Variants in CNNM2 observed in about 807,000 individuals in gnomAD.
The protein encoded by CNNM2 is metal transporter CNNM2.
A neutral mutation model predicts 66.9 loss-of-function variants in CNNM2; 12 were observed. The ratio of observed to expected loss-of-function variants is 0.18; its 90% CI spans 0.11 to 0.29. The LOEUF (loss-of-function observed/expected upper bound fraction) is 0.29. CNNM2 is among the 10% of genes least tolerant of loss of function. CNNM2 has a pLI of 1.00. For synonymous variants in CNNM2, 557 were observed against 501.8 expected, an observed-to-expected ratio of 1.11 and a Z score of -1.47; for missense variants, 705 against 1,167.7, an observed-to-expected ratio of 0.60 and a Z score of 5.77.
In CNNM2 at chr10:103,089,495, C is replaced by T. The variant is rs947840238; in HGVS notation, c.*12315C>T. 5 of 1,175,478 alleles carry T rather than the reference C, an allele frequency of 4.3e-6. No homozygotes were observed. The highest frequency in any genetic ancestry group is 5.7e-6 in the Non-Finnish European group (5 of 872,254). 72.8% of individuals were successfully genotyped at this position (1,175,478 alleles called of 1,614,324 possible). Reference sequence around the variant, plus strand: ...AATTTTGGACCATCTGCAGAGAGTACAGATACACAAAACCAAAACAAGTAT... The same window carrying T: ...AATTTTGGACCATCTGCAGAGAGTATAGATACACAAAACCAAAACAAGTAT... On this transcript the variant is annotated 3_prime_UTR_variant, in exon 8 of 8. Coordinates refer to ENST00000369878, the MANE Select transcript of CNNM2 (RefSeq NM_017649.5).
intron 1 of CNNM2, among the ~76,000 whole-genome samples, chr10:103,013,351 G>A (rs1475906330): frequency 6.6e-6 from 1 of 152,112 alleles, no homozygotes; most frequent in Non-Finnish European, 1.5e-5. Flanking sequence ...ACATTGGCAC[G>A]CAGAGCACCC....
At position 102,919,668 on chromosome 10, in the gene CNNM2, G is replaced by T. The variant is rs1217401893; in HGVS notation, c.1188G>T (p.Leu396=). The T allele has an allele frequency of 1.9e-6, 3 of 1,614,078 alleles. No homozygotes were observed. In the Admixed American group the frequency reaches 5.0e-5, roughly 27 times the overall value. Reference sequence around the variant, plus strand: ...CCGCTTCCTACCCGGTCAGCAAGCTGCTGGACTGCGTCCTGGGCCAGGAGA... The same window carrying T: ...CCGCTTCCTACCCGGTCAGCAAGCTTCTGGACTGCGTCCTGGGCCAGGAGA... The part of the protein sequence containing the change: ...TFPASYPVSK[L]LDCVLGQEIG... Residue 396 remains leucine (L), a synonymous_variant, in exon 1 of 8, where the codon CTG becomes CTT. Transcript: ENST00000369878.
Position 103,087,613 on chromosome 10 carries a change from C to T in CNNM2, c.*10433C>T, listed in dbSNP as rs967181149. 1.3e-5 allele frequency: 2 copies of T among 152,186 alleles called. No homozygotes were observed. Among genetic ancestry groups the T allele is most frequent in the Non-Finnish European group, 2.9e-5 (2 of 68,030 alleles). The allele number at this position is 152,186 out of a possible 1,614,324, so 9.4% of individuals were successfully genotyped here. ...GTACTATTATAATAAGGTAGCTCTG[C>T]AGATGTAATAAGCTACTCATAAATT... On this transcript the variant is annotated 3_prime_UTR_variant, in exon 8 of 8. Coordinates refer to ENST00000369878, the MANE Select transcript of CNNM2 (RefSeq NM_017649.5).
chr10:103,003,702 T>A (rs940226513), intron 1 of CNNM2, among the ~76,000 whole-genome samples: 1 of 151,872 alleles, frequency 6.6e-6, no homozygotes, highest in African/African-American at 2.4e-5. Flanking sequence ...AAACCCAGGA[T>A]GCTGTGGTTG....
intron 1 of CNNM2, among the ~76,000 whole-genome samples, chr10:103,020,096 T>C: frequency 6.6e-6 from 1 of 152,198 alleles, no homozygotes; most frequent in East Asian, 1.9e-4. Context: ...TTATAAAATA[T>C]TTCTATATTT....
chr10:103,016,489 T>C (rs1248280375), intron 1 of CNNM2, among the ~76,000 whole-genome samples: 1 of 152,166 alleles, frequency 6.6e-6, no homozygotes, highest in Non-Finnish European at 1.5e-5. Context: ...GTGGATTCAG[T>C]ATCTAAGTGG....
At position 103,010,446 on chromosome 10, in the gene CNNM2, T is replaced by C. The variant is rs1265415098; in HGVS notation, c.1622-39261T>C. 3.9e-5 allele frequency among the ~76,000 whole-genome samples: 6 copies of C among 151,920 alleles called. No individual in the cohort carries two copies. The East Asian group carries it at 1.2e-3, about 29-fold the overall frequency. On this transcript the variant is annotated intron_variant, in intron 1 of 7. Transcript: ENST00000369878. ...GGTTTCGCCATGTTGCCCAGGCTGG[T>C]GTTGAACTCATGGGCTCAAGCAATC...
chr10:103,063,305 A>G (rs1313588297), intron 4 of CNNM2, among the ~76,000 whole-genome samples: 1 of 152,154 alleles, frequency 6.6e-6, no homozygotes, highest in Non-Finnish European at 1.5e-5. Flanking sequence ...CTCTCGGTTA[A>G]TACAACCCAG....
chr10:102,983,464 A>C (rs1392056432), intron 1 of CNNM2, among the ~76,000 whole-genome samples: 1 of 151,298 alleles, frequency 6.6e-6, no homozygotes, highest in Non-Finnish European at 1.5e-5. Context: ...GATTGAGATC[A>C]TCCTGGCCAA....
intron 1 of CNNM2, among the ~76,000 whole-genome samples, chr10:103,011,320 G>A (rs998757679): frequency 6.6e-6 from 1 of 152,100 alleles, no homozygotes; most frequent in Non-Finnish European, 1.5e-5. Context: ...AGGTGTGGTG[G>A]TGCGTGCCTG....
chr10:102,991,924 A>G (rs1481398973), intron 1 of CNNM2, among the ~76,000 whole-genome samples: 1 of 152,142 alleles, frequency 6.6e-6, no homozygotes, highest in Non-Finnish European at 1.5e-5. Flanking sequence ...TAGATGGGGT[A>G]AAGGTAAATT....
chr10:102,969,904 A>G (rs1335405808), intron 1 of CNNM2, among the ~76,000 whole-genome samples: 1 of 152,176 alleles, frequency 6.6e-6, no homozygotes, highest in African/African-American at 2.4e-5. Flanking sequence ...CGGCCTCCCA[A>G]AGTGCTGGGA....
At chr10:103,071,438 C>G (rs946475103) in intron 5 of CNNM2, among the ~76,000 whole-genome samples, 1 of 152,120 alleles carries the variant, frequency 6.6e-6, no homozygotes, top group Non-Finnish European at 1.5e-5. Context: ...GTTGACTAAT[C>G]GAGCTCCCCT....
At chr10:102,967,365 T>C (rs2063479479) in intron 1 of CNNM2, among the ~76,000 whole-genome samples, 1 of 152,182 alleles carries the variant, frequency 6.6e-6, no homozygotes, top group Non-Finnish European at 1.5e-5. Flanking sequence ...GAGTTGGGAA[T>C]TGCCACCTCA....
At chr10:102,967,177 T>C (rs916159668) in intron 1 of CNNM2, among the ~76,000 whole-genome samples, 2 of 152,178 alleles carry the variant, frequency 1.3e-5, no homozygotes, top group Non-Finnish European at 2.9e-5. Context: ...GGTCTTGAAC[T>C]CCTGGCCACA....
rs2065707428 is a variant in CNNM2, at chr10:103,077,237, C to G, written c.*57C>G. On this transcript the variant is annotated 3_prime_UTR_variant, in exon 8 of 8. Coordinates refer to ENST00000369878, the MANE Select transcript of CNNM2 (RefSeq NM_017649.5). ...CCCGCCCAGTCCCGAGGGCCCGGCC[C>G]TGTCTGCCCATGACTTCACTGGTGT... 1 of 1,504,420 alleles carries G rather than the reference C, an allele frequency of 6.6e-7. No homozygotes were observed. Among genetic ancestry groups the G allele is most frequent in the South Asian group, 1.1e-5 (1 of 87,470 alleles). 93.2% of individuals were successfully genotyped at this position (1,504,420 alleles called of 1,614,324 possible). A position where few individuals can be genotyped will look rare whatever the true frequency, so the allele number is the denominator to read the frequency against.
At chr10:103,065,911 G>A (rs2065469102) in intron 4 of CNNM2, among the ~76,000 whole-genome samples, 2 of 152,130 alleles carry the variant, frequency 1.3e-5, no homozygotes, top group Admixed American at 1.3e-4. Flanking sequence ...CCTACTTCAG[G>A]GACTTCCCCA....
At chr10:103,002,456 G>T (rs1171060902) in intron 1 of CNNM2, among the ~76,000 whole-genome samples, 1 of 151,404 alleles carries the variant, frequency 6.6e-6, no homozygotes, top group African/African-American at 2.4e-5. Flanking sequence ...GGCTGGCGAG[G>T]ATGTGGCTGA....
At position 103,042,709 on chromosome 10, in the gene CNNM2, C is replaced by G. The variant is rs549472950; in HGVS notation, c.1622-6998C>G. 4.6e-5 allele frequency among the ~76,000 whole-genome samples: 7 copies of G among 152,278 alleles called. No homozygotes were observed. In the East Asian group the frequency reaches 1.4e-3, roughly 29 times the overall value. On this transcript the variant is annotated intron_variant, in intron 1 of 7. Coordinates refer to ENST00000369878, the MANE Select transcript of CNNM2 (RefSeq NM_017649.5). ...CTTATATATTATGTTCATATACATTCTCTCACTTGATCAGTTTGTTCACTT... is the reference window on the plus strand; with the variant it reads ...CTTATATATTATGTTCATATACATTGTCTCACTTGATCAGTTTGTTCACTT...
Sources: gnomAD v4.1 joint callset for allele counts (sites outside exome capture counted in the v4.1 genomes callset) on GRCh38, gnomAD v4.1.1 for gene constraint, MANE v1.5 for transcripts, NCBI Gene and HGNC (gene_info 2026-07-23, HGNC 2026-07-21) for gene names.